The following ZNF208 variants were observed in gnomAD, a reference collection of about 807,000 sequenced individuals.
The protein encoded by ZNF208 is zinc finger protein 208.
In ZNF208, 10 loss-of-function variants were observed where a neutral mutation model predicts 12.1. The ratio of observed to expected loss-of-function variants is 0.83; its 90% confidence interval spans 0.51 to 1.40. ZNF208 has a LOEUF of 1.40. Among genes scored for constraint, ZNF208 ranks in the 40% most tolerant of loss-of-function variants. The probability of loss-of-function intolerance (pLI) is 0.00; values close to 1 mark genes in which losing one functional copy is unlikely to be tolerated. For synonymous variants in ZNF208, 497 were observed against 488.4 expected (o/e 1.02, Z -0.23); for missense variants, 1,652 against 1,485.0 (o/e 1.11, Z -1.85).
At position 21,987,261 on chromosome 19, in the gene ZNF208, C is replaced by T. The variant is rs757471229; in HGVS notation, c.181G>A (p.Glu61Lys). 3 of 1,612,678 alleles carry T rather than the reference C, an allele frequency of 1.9e-6. No individual in the cohort carries two copies. In the South Asian group the frequency reaches 3.3e-5, roughly 18 times the overall value. The change falls in exon 3 of 4, where the codon GAG (glutamate) becomes AAG (lysine). Residue 61 changes from glutamate (E) to lysine (K), a missense_variant. Glu to Lys is a moderately conservative substitution (Grantham distance 56). This residue lies in a region of ZNF208 where 410 missense variants were observed against 378.2 expected (regional missense o/e 1.08). Coordinates refer to ENST00000397126, the MANE Select transcript of ZNF208 (RefSeq NM_007153.3). ...TCATGTCTCTTCATATTCCAGGACT[C>T]TTTTCCTTCCTCCAGAAAAATGATC... ...DLIIFLEEGK[E>K]SWNMKRHEMV...
chr19:22,006,547 G>T (rs1315703101), intron 1 of ZNF208, among the ~76,000 whole-genome samples: 1 of 152,050 alleles, frequency 6.6e-6, no homozygotes, highest in East Asian at 1.9e-4. Context: ...TGCCTGTGGG[G>T]CCCCAGCTTT....
intron 1 of ZNF208, among the ~76,000 whole-genome samples, chr19:21,995,233 T>G (rs1970813145): frequency 6.6e-6 from 1 of 152,192 alleles, no homozygotes; most frequent in South Asian, 2.1e-4. Flanking sequence ...ATTACAGGTA[T>G]GAGACATTGC....
intron 4 of ZNF208, among the ~76,000 whole-genome samples, chr19:21,942,646 CTTTCT>C (rs1761827513): frequency 6.6e-6 from 1 of 151,956 alleles, no homozygotes; most frequent in African/African-American, 2.4e-5. Flanking sequence ...ACTTTTCTTT[CTTTCT>C]TTTCTTTCTT....
chr19:21,952,916 CT>C (rs1199770505), intron 4 of ZNF208, among the ~76,000 whole-genome samples: 1 of 151,964 alleles, frequency 6.6e-6, no homozygotes, highest in African/African-American at 2.4e-5. Context: ...AGCTAAAGAC[CT>C]TGAAAAAAGG....
intron 3 of ZNF208, among the ~76,000 whole-genome samples, chr19:21,980,269 T>C (rs1390021092): frequency 2.1e-5 from 3 of 145,224 alleles, no homozygotes; most frequent in African/African-American, 7.8e-5. Flanking sequence ...CAACAGAATA[T>C]ACATTCTTCT....
intron 1 of ZNF208, among the ~76,000 whole-genome samples, chr19:21,990,418 G>T (rs1970711271): frequency 7.2e-6 from 1 of 139,274 alleles, no homozygotes; most frequent in Non-Finnish European, 1.5e-5. Context: ...ATTTCTGAGG[G>T]CTCTGTTCTA....
At chr19:21,964,501 A>G (rs1193981384), downstream of ZNF208, among the ~76,000 whole-genome samples, 1 of 151,736 alleles carries the variant, frequency 6.6e-6, no homozygotes, top group Non-Finnish European at 1.5e-5. Flanking sequence ...AAATTAACAT[A>G]AAAGTATTAA....
intron 4 of ZNF208, among the ~76,000 whole-genome samples, chr19:21,954,987 GT>G (rs1335583595): frequency 1.3e-5 from 2 of 152,162 alleles, no homozygotes; most frequent in Non-Finnish European, 2.9e-5. Context: ...TCCTTTTTAT[GT>G]TTAGTGCTTC....
chr19:21,965,799 T>C (rs1433743170), downstream of ZNF208: 1 of 148,242 alleles, frequency 6.7e-6, no homozygotes, highest in African/African-American at 2.6e-5. Flanking sequence ...TAGTTCATTC[T>C]GAAAAAAAAA....
chr19:21,948,054 C>T (rs369961542), intron 4 of ZNF208, among the ~76,000 whole-genome samples: 23 of 152,016 alleles, frequency 1.5e-4, no homozygotes, highest in Non-Finnish European at 2.6e-4. Context: ...AAAGGAAGGT[C>T]GAGAAGTGGT....
chr19:21,951,679 T>G (rs1401697920), intron 4 of ZNF208, among the ~76,000 whole-genome samples: 1 of 152,224 alleles, frequency 6.6e-6, no homozygotes, highest in Non-Finnish European at 1.5e-5. Flanking sequence ...CGGAGATCCA[T>G]TCCAAGATGG....
chr19:21,990,814 T>C (rs1052538602), intron 1 of ZNF208, among the ~76,000 whole-genome samples: 2 of 152,174 alleles, frequency 1.3e-5, no homozygotes, highest in African/African-American at 4.8e-5. Context: ...CTTGAAGAGG[T>C]CCTTCACGTC....
downstream of ZNF208, among the ~76,000 whole-genome samples, chr19:21,964,531 T>C (rs1258760895): frequency 6.6e-6 from 1 of 151,660 alleles, no homozygotes; most frequent in African/African-American, 2.4e-5. Flanking sequence ...CAAAAAACAA[T>C]ATGCCTTCTT....
intron 4 of ZNF208, among the ~76,000 whole-genome samples, chr19:21,952,691 A>G (rs1380493688): frequency 6.6e-6 from 1 of 152,356 alleles, no homozygotes; most frequent in African/African-American, 2.4e-5. Flanking sequence ...CCAAAGGTAG[A>G]TAAAACCACA....
chr19:21,994,759 T>C (rs1423673377), intron 1 of ZNF208, among the ~76,000 whole-genome samples: 1 of 151,982 alleles, frequency 6.6e-6, no homozygotes, highest in African/African-American at 2.4e-5. Context: ...GACTCTTCCG[T>C]TTATAAGTTC....
downstream of ZNF208, among the ~76,000 whole-genome samples, chr19:21,962,851 C>T (rs1033689344): frequency 6.6e-6 from 1 of 151,728 alleles, no homozygotes; most frequent in Non-Finnish European, 1.5e-5. Flanking sequence ...AAGATTTGAC[C>T]AAAATCTAGC....
intron 4 of ZNF208, among the ~76,000 whole-genome samples, chr19:21,944,711 G>T: frequency 6.6e-6 from 1 of 152,286 alleles, no homozygotes; most frequent in East Asian, 1.9e-4. Context: ...AAATCAAGCT[G>T]AAATATGTTT....
chr19:21,972,560 G>C lies in ZNF208; in HGVS notation c.2474C>G (p.Ala825Gly), dbSNP rs187681883. ...GTAGGGCTTTTCTCCAGCATGAATT[G>C]CCTTATGTGTAGTAAGGGTTGAGAC... ...SKVSTLTTHK[A>G]IHAGEKPYKC... The change falls in exon 4 of 4, where the codon GCA becomes GGA. Residue 825 changes from alanine (A) to glycine (G), a missense_variant. This residue lies in a region of ZNF208 where 1,239 missense variants were observed against 1,086.2 expected (regional missense o/e 1.14). Coordinates refer to ENST00000397126, the MANE Select transcript of ZNF208 (RefSeq NM_007153.3). The C allele has an allele frequency of 5.0e-4, 797 of 1,609,636 alleles. 4 individuals carry two copies. In the African/African-American group the frequency reaches 9.8e-3, roughly 20 times the overall value.
At chr19:22,002,118 T>C (rs1970964929) in intron 1 of ZNF208, among the ~76,000 whole-genome samples, 2 of 152,032 alleles carry the variant, frequency 1.3e-5, no homozygotes, top group Non-Finnish European at 2.9e-5. Context: ...TCTCAATAGA[T>C]GCACAAAAAG....
Sources: allele counts gnomAD v4.1 joint callset (sites outside exome capture counted in the v4.1 genomes callset), GRCh38; gene constraint gnomAD v4.1.1; regional missense constraint gnomAD v4.1.1; transcripts MANE v1.5; gene names NCBI Gene and HGNC (gene_info 2026-07-23, HGNC 2026-07-21).